FCHSD2: variants seen among roughly 807,000 people sequenced by gnomAD.
FCHSD2 encodes the protein F-BAR and double SH3 domains protein 2.
Under a neutral mutation model 108.1 loss-of-function variants are expected in FCHSD2, and 38 were observed. That is an observed-to-expected ratio of 0.35 (90% CI 0.27 to 0.46). FCHSD2 has a LOEUF of 0.46. Ranked by LOEUF, FCHSD2 falls within the 20% of genes least tolerant of loss-of-function variation. FCHSD2 has a pLI of 1.00. For missense variants in FCHSD2, 751 were observed against 897.8 expected (o/e 0.84, Z 2.09); for synonymous variants, 279 against 314.7 (o/e 0.89, Z 1.20).
intron 4 of FCHSD2, among the ~76,000 whole-genome samples, chr11:73,013,637 T>C (rs1857908189): frequency 6.6e-6 from 1 of 152,220 alleles, no homozygotes; most frequent in Admixed American, 6.5e-5. Context: ...AATTATTATA[T>C]CTACCTCACA....
chr11:73,015,171 A>G (rs375488152), intron 4 of FCHSD2, among the ~76,000 whole-genome samples: 30 of 152,232 alleles, frequency 2.0e-4, no homozygotes, highest in Non-Finnish European at 4.3e-4. Context: ...AAACAAACAT[A>G]TACTTTTAAG....
At chr11:73,004,406 T>C (rs1245208994) in intron 4 of FCHSD2, among the ~76,000 whole-genome samples, 1 of 152,200 alleles carries the variant, frequency 6.6e-6, no homozygotes, top group Non-Finnish European at 1.5e-5. Context: ...TTCAATCTTC[T>C]GATTTCTGAC....
chr11:73,125,872 TA>T (rs1860842908), intron 2 of FCHSD2, among the ~76,000 whole-genome samples: 2 of 152,198 alleles, frequency 1.3e-5, no homozygotes. Flanking sequence ...CTTCTTTTAG[TA>T]AAACAGAGCA....
intron 8 of FCHSD2, among the ~76,000 whole-genome samples, chr11:72,980,098 G>GC (rs1422108440): frequency 6.6e-6 from 1 of 152,222 alleles, no homozygotes; most frequent in Non-Finnish European, 1.5e-5. Flanking sequence ...CAACACAGAT[G>GC]AAGTGGACAA....
At chr11:72,903,909 C>T (rs908334235) in intron 9 of FCHSD2, among the ~76,000 whole-genome samples, 5 of 152,144 alleles carry the variant, frequency 3.3e-5, no homozygotes, top group African/African-American at 1.2e-4. Context: ...CTCCACCAAC[C>T]ATTTATTGAG....
chr11:73,096,423 C>T (rs142372915), intron 2 of FCHSD2, among the ~76,000 whole-genome samples: 22 of 149,368 alleles, frequency 1.5e-4, no homozygotes, highest in East Asian at 5.9e-4. Flanking sequence ...TGGTGGCGGG[C>T]GCCTGTAATT....
chr11:73,038,512 C>G (rs1858554228), intron 3 of FCHSD2, among the ~76,000 whole-genome samples: 1 of 152,124 alleles, frequency 6.6e-6, no homozygotes, highest in East Asian at 1.9e-4. Context: ...GGATACTATG[C>G]AGCCATGAAA....
At chr11:72,912,125 TG>T (rs1855776415) in intron 9 of FCHSD2, among the ~76,000 whole-genome samples, 2 of 152,228 alleles carry the variant, frequency 1.3e-5, no homozygotes, top group African/African-American at 4.8e-5. Context: ...CTTTCCACTT[TG>T]GATGCTCTTT....
At chr11:72,849,115 C>A (rs1218400278) in intron 14 of FCHSD2, among the ~76,000 whole-genome samples, 3 of 152,170 alleles carry the variant, frequency 2.0e-5, no homozygotes, top group Non-Finnish European at 4.4e-5. Flanking sequence ...CAGGTGGATT[C>A]TCTCTCCAGG....
chr11:72,883,315 C>T (rs1372237708), intron 12 of FCHSD2, among the ~76,000 whole-genome samples: 3 of 152,032 alleles, frequency 2.0e-5, no homozygotes, highest in Non-Finnish European at 4.4e-5. Flanking sequence ...GGACAAAATT[C>T]ATAAATTAAT....
rs924393961 is a variant in FCHSD2, at chr11:73,040,792, C to T, written c.166-24907G>A. ...CATATTGTTGTTGATTACACTAATC[C>T]GACTGTGCTATAAAATACTAAAACG... On this transcript the variant is annotated intron_variant, in intron 3 of 19. Coordinates refer to ENST00000409418, the MANE Select transcript of FCHSD2 (RefSeq NM_014824.3). 5.9e-5 allele frequency among the ~76,000 whole-genome samples: 9 copies of T among 151,996 alleles called. No individual in the cohort carries two copies. In the South Asian group the frequency reaches 1.0e-3, roughly 18 times the overall value.
At position 73,111,831 on chromosome 11, in the gene FCHSD2, T is replaced by C. The variant is rs1196052940; in HGVS notation, c.120-28091A>G. Among the ~76,000 whole-genome samples, 4 of 152,270 alleles carry C rather than the reference T, an allele frequency of 2.6e-5. No homozygotes were observed. The East Asian group carries it at 7.7e-4, about 29-fold the overall frequency. ...ATAAAACCCAATTATTTTAAACTGATGACAACACTGATTGCATAAACAAAC... is the reference window on the plus strand; with the variant it reads ...ATAAAACCCAATTATTTTAAACTGACGACAACACTGATTGCATAAACAAAC... On this transcript the variant is annotated intron_variant, in intron 2 of 19. Transcript: ENST00000409418.
intron 3 of FCHSD2, among the ~76,000 whole-genome samples, chr11:73,032,661 A>G (rs1858389383): frequency 6.6e-6 from 1 of 152,092 alleles, no homozygotes; most frequent in South Asian, 2.1e-4. Context: ...AGGAAAGTAT[A>G]TGGGAACATA....
At chr11:73,056,524 A>C (rs1475936791) in intron 3 of FCHSD2, among the ~76,000 whole-genome samples, 1 of 152,212 alleles carries the variant, frequency 6.6e-6, no homozygotes, top group Non-Finnish European at 1.5e-5. Context: ...TGCTAAAATG[A>C]ATCAATTTAA....
chr11:72,912,845 A>C (rs879533085), intron 9 of FCHSD2, among the ~76,000 whole-genome samples: 15 of 152,146 alleles, frequency 9.9e-5, no homozygotes, highest in Non-Finnish European at 2.2e-4. Context: ...TTCATGGCTC[A>C]ATCTTGGTAG....
intron 3 of FCHSD2, among the ~76,000 whole-genome samples, chr11:73,080,816 C>T (rs1362566711): frequency 2.0e-5 from 3 of 151,932 alleles, no homozygotes; most frequent in Non-Finnish European, 2.9e-5. Context: ...TGATGGCAGG[C>T]ACCTGTAATC....
At chr11:72,885,597 G>T (rs906482542) in intron 12 of FCHSD2, among the ~76,000 whole-genome samples, 9 of 151,992 alleles carry the variant, frequency 5.9e-5, no homozygotes, top group African/African-American at 2.2e-4. Flanking sequence ...CCATGCATGG[G>T]GTCTGGAAAT....
At chr11:72,856,155 C>T (rs969988221) in intron 13 of FCHSD2, among the ~76,000 whole-genome samples, 3 of 152,150 alleles carry the variant, frequency 2.0e-5, no homozygotes, top group Admixed American at 6.5e-5. Context: ...TAGAAAACTA[C>T]GCTAGCCTCT....
intron 10 of FCHSD2, among the ~76,000 whole-genome samples, chr11:72,891,057 C>G (rs1335038479): frequency 1.3e-5 from 2 of 152,116 alleles, no homozygotes; most frequent in Non-Finnish European, 2.9e-5. Flanking sequence ...GCTGGAACTA[C>G]AGGTGTGTGT....
Sources: gnomAD v4.1 joint callset for allele counts (sites outside exome capture counted in the v4.1 genomes callset) on GRCh38, gnomAD v4.1.1 for gene constraint, MANE v1.5 for transcripts, NCBI Gene and HGNC (gene_info 2026-07-23, HGNC 2026-07-21) for gene names.